GRIA4: variants seen among roughly 807,000 people sequenced by gnomAD.
GRIA4 encodes glutamate receptor 4.
Under a neutral mutation model 104.0 loss-of-function variants are expected in GRIA4, and 34 were observed. That is an observed-to-expected ratio of 0.33 (90% confidence interval 0.25 to 0.44). The LOEUF (loss-of-function observed/expected upper bound fraction) is 0.44. Among genes scored for constraint, GRIA4 ranks in the 20% least tolerant of loss-of-function variants. The pLI is 1.00. For missense variants in GRIA4, 750 were observed against 1,096.5 expected, an observed-to-expected ratio of 0.68 and a Z score of 4.46; for synonymous variants, 386 against 381.9, an observed-to-expected ratio of 1.01 and a Z score of -0.13.
intron 3 of GRIA4, among the ~76,000 whole-genome samples, chr11:105,654,352 A>T (rs1462147334): frequency 6.6e-6 from 1 of 151,688 alleles, no homozygotes; most frequent in Non-Finnish European, 1.5e-5. Flanking sequence ...GAGTGCCCCC[A>T]CTGAAAAAAA....
chr11:105,827,780 G>A (rs1943829370), intron 4 of GRIA4, among the ~76,000 whole-genome samples: 2 of 151,968 alleles, frequency 1.3e-5, no homozygotes, highest in African/African-American at 4.8e-5. Flanking sequence ...CATTTATTAA[G>A]TCTCCTTACA....
chr11:105,618,818 A>G (rs540175483), intron 3 of GRIA4, among the ~76,000 whole-genome samples: 2 of 151,986 alleles, frequency 1.3e-5, no homozygotes, highest in South Asian at 4.1e-4. Context: ...GTCAAACCCT[A>G]GGAAGAACCA....
rs994002181 is a variant in GRIA4 at position 105,817,557 on chromosome 11, C to T, written c.488-44467C>T. On this transcript the variant is annotated intron_variant, in intron 4 of 16. Coordinates refer to ENST00000282499, the MANE Select transcript of GRIA4 (RefSeq NM_000829.4). ...GTCAGGTGTATCATACATTTCCAAA[C>T]ATTGTCATGTAAAGAGGACACTTTA... is the stretch of plus-strand genomic sequence containing the variant. Among the ~76,000 whole-genome samples the T allele has an allele frequency of 6.6e-5, 10 of 151,704 alleles. No homozygotes were observed. In the Admixed American group the frequency reaches 6.6e-4, roughly 10 times the overall value.
At chr11:105,806,602 A>C (rs1942962272) in intron 4 of GRIA4, among the ~76,000 whole-genome samples, 1 of 151,878 alleles carries the variant, frequency 6.6e-6, no homozygotes, top group Non-Finnish European at 1.5e-5. Context: ...TGCAGACACA[A>C]AACAGTTTAG....
intron 10 of GRIA4, among the ~76,000 whole-genome samples, chr11:105,916,334 G>A (rs1165981556): frequency 1.3e-5 from 2 of 152,124 alleles, no homozygotes; most frequent in African/African-American, 4.8e-5. Context: ...ACCTCAATGT[G>A]CCAGTGTCAA....
At chr11:105,879,186 C>T (rs1451509778) in intron 5 of GRIA4, among the ~76,000 whole-genome samples, 3 of 152,144 alleles carry the variant, frequency 2.0e-5, no homozygotes, top group Admixed American at 6.5e-5. Flanking sequence ...AGGTGACACC[C>T]CACCCTGCTT....
rs111605604 is a variant in GRIA4, at chr11:105,622,552, CT to C, written c.247+10127del. Among the ~76,000 whole-genome samples, 41 of 150,844 alleles carry C rather than the reference CT, an allele frequency of 2.7e-4. 1 individual carries two copies. Among genetic ancestry groups the C allele is most frequent in the East Asian group, 5.8e-4 (3 of 5,140 alleles). On this transcript the variant is annotated intron_variant, in intron 3 of 16. Transcript: ENST00000282499. ...ATAGTCTTGCTTCTTCTATTATTTC[CT>C]TTTTTTTTCTTTCTTCTGATTGTCA...
At chr11:105,654,381 C>T (rs562838108) in intron 3 of GRIA4, among the ~76,000 whole-genome samples, 6 of 150,864 alleles carry the variant, frequency 4.0e-5, no homozygotes, top group East Asian at 1.9e-4. Context: ...TGTAATGTAA[C>T]GCTATGTTCA....
At chr11:105,758,087 T>C (rs1235299429) in intron 4 of GRIA4, among the ~76,000 whole-genome samples, 2 of 151,950 alleles carry the variant, frequency 1.3e-5, no homozygotes, top group African/African-American at 4.8e-5. Context: ...CTACAAACAA[T>C]ATAAAAACTA....
chr11:105,860,309 C>A (rs1162850476), intron 4 of GRIA4, among the ~76,000 whole-genome samples: 1 of 152,090 alleles, frequency 6.6e-6, no homozygotes, highest in African/African-American at 2.4e-5. Flanking sequence ...AGAAAACATA[C>A]CTGAAAAAAT....
chr11:105,697,287 C>T (rs895200071), intron 3 of GRIA4, among the ~76,000 whole-genome samples: 10 of 152,148 alleles, frequency 6.6e-5, no homozygotes, highest in African/African-American at 2.4e-4. Context: ...GCTAGAGTCT[C>T]TCTCTCTCTT....
chr11:105,705,609 G>C (rs1161464818), intron 3 of GRIA4, among the ~76,000 whole-genome samples: 1 of 147,852 alleles, frequency 6.8e-6, no homozygotes, highest in Non-Finnish European at 1.5e-5. Context: ...CTGAACTGAC[G>C]AGAGAGAGAG....
chr11:105,878,435 C>T (rs781643121), intron 5 of GRIA4, among the ~76,000 whole-genome samples: 3 of 152,194 alleles, frequency 2.0e-5, no homozygotes, highest in African/African-American at 7.2e-5. Context: ...TAGCAGAGCT[C>T]AAGCACTGTG....
chr11:105,797,767 C>T, intron 4 of GRIA4: 1 of 454,354 alleles, frequency 2.2e-6, no homozygotes, highest in Non-Finnish European at 4.4e-6. Context: ...TAATTGTATG[C>T]CAAGTTCTGT....
intron 3 of GRIA4, among the ~76,000 whole-genome samples, chr11:105,629,405 T>A (rs1420863230): frequency 6.6e-6 from 1 of 152,166 alleles, no homozygotes. Flanking sequence ...TATTATTATA[T>A]GGCTACTAAA....
At chr11:105,625,666 T>C (rs1175033211) in intron 3 of GRIA4, among the ~76,000 whole-genome samples, 1 of 152,138 alleles carries the variant, frequency 6.6e-6, no homozygotes, top group Non-Finnish European at 1.5e-5. Context: ...TGGCCTGACC[T>C]GTTCTGTCTG....
At chr11:105,829,504 G>A (rs575563322) in intron 4 of GRIA4, among the ~76,000 whole-genome samples, 3 of 152,098 alleles carry the variant, frequency 2.0e-5, no homozygotes, top group African/African-American at 7.2e-5. Context: ...TCCAGGAACA[G>A]CCATCGCAAT....
At chr11:105,850,009 A>T (rs1164300746) in intron 4 of GRIA4, among the ~76,000 whole-genome samples, 1 of 152,234 alleles carries the variant, frequency 6.6e-6, no homozygotes, top group Non-Finnish European at 1.5e-5. Context: ...TTAATTCACC[A>T]GCACAATTCA....
At chr11:105,734,098 A>C (rs1266832875) in intron 3 of GRIA4, among the ~76,000 whole-genome samples, 1 of 148,074 alleles carries the variant, frequency 6.8e-6, no homozygotes, top group African/African-American at 2.5e-5. Context: ...TATATATATA[A>C]AATATCTTGC....
Sources: allele counts gnomAD v4.1 joint callset (sites outside exome capture counted in the v4.1 genomes callset), GRCh38; gene constraint gnomAD v4.1.1; transcripts MANE v1.5; gene names NCBI Gene and HGNC (gene_info 2026-07-23, HGNC 2026-07-21).